Variants in NF1 observed in about 807,000 individuals in gnomAD.
NF1 encodes the protein neurofibromin 1, also known as neurofibromin.
A neutral mutation model predicts 325.7 loss-of-function variants in NF1; 122 were observed. The observed-to-expected ratio is 0.37, with a 90% CI of 0.32 to 0.44. The LOEUF (loss-of-function observed/expected upper bound fraction) is 0.44. Among genes scored for constraint, NF1 ranks in the 20% least tolerant of loss-of-function variants. The pLI is 1.00. For missense variants in NF1, 2,140 were observed against 3,415.4 expected (o/e 0.63, Z 9.31); for synonymous variants, 1,091 against 1,186.0 (o/e 0.92, Z 1.65).
intron 56 of NF1, chr17:31,360,257 A>C (rs1479506916): frequency 3.6e-6 from 2 of 550,408 alleles, no homozygotes; most frequent in Non-Finnish European, 6.5e-6. Context: ...TGTCTTGTGC[A>C]TGGCTTTCAG....
At chr17:31,354,773 AG>A (rs1197333966) in intron 51 of NF1, among the ~76,000 whole-genome samples, 4 of 152,212 alleles carry the variant, frequency 2.6e-5, no homozygotes, top group Admixed American at 2.6e-4. Context: ...AGGCCAAGGC[AG>A]GAGGATTGTT....
intron 47 of NF1, among the ~76,000 whole-genome samples, chr17:31,341,387 G>A (rs2069816994): frequency 6.6e-6 from 1 of 151,988 alleles, no homozygotes; most frequent in Non-Finnish European, 1.5e-5. Flanking sequence ...AGCTAGGCAT[G>A]GTGGCATGCA....
intron 14 of NF1, among the ~76,000 whole-genome samples, chr17:31,220,812 T>G (rs2066908607): frequency 6.6e-6 from 1 of 152,122 alleles, no homozygotes; most frequent in Non-Finnish European, 1.5e-5. Flanking sequence ...ATATAGAGAA[T>G]TTGTCACTTA....
At chr17:31,134,854 T>G (rs1915646638) in intron 1 of NF1, among the ~76,000 whole-genome samples, 1 of 152,120 alleles carries the variant, frequency 6.6e-6, no homozygotes, top group Non-Finnish European at 1.5e-5. Flanking sequence ...TCATGATCCT[T>G]AGAAGTTACA....
At chr17:31,154,772 G>T (rs920272767) in intron 1 of NF1, among the ~76,000 whole-genome samples, 2 of 119,028 alleles carry the variant, frequency 1.7e-5, no homozygotes, top group African/African-American at 6.7e-5. Context: ...ATGGAGTCTC[G>T]CCCGATCGCC....
intron 1 of NF1, among the ~76,000 whole-genome samples, chr17:31,125,200 C>T (rs1009662853): frequency 6.6e-6 from 1 of 151,942 alleles, no homozygotes; most frequent in African/African-American, 2.4e-5. Context: ...TGGAATAATA[C>T]TGTAAGTATT....
At chr17:31,113,977 C>T (rs1333344764) in intron 1 of NF1, among the ~76,000 whole-genome samples, 1 of 152,168 alleles carries the variant, frequency 6.6e-6, no homozygotes, top group Non-Finnish European at 1.5e-5. Flanking sequence ...TATTTCTAGG[C>T]TGTGTTAATT....
rs547905840 is a variant in NF1, at chr17:31,226,530, C to T, written c.2097C>T (p.Asp699=). ...VALYMFLWNP[D]TEAVLVAMSC... ...TGTACATGTTTCTGTGGAACCCTGA[C>T]ACTGAAGCTGTTCTGGTTGCCATGT... The change falls in exon 18 of 58, where the codon GAC becomes GAT. Residue 699 remains aspartate, a synonymous_variant. Coordinates refer to ENST00000358273, the MANE Select transcript of NF1 (RefSeq NM_001042492.3). The T allele has an allele frequency of 1.9e-6, 3 of 1,613,888 alleles. No homozygotes were observed. In the African/African-American group the frequency reaches 4.0e-5, roughly 22 times the overall value.
At chr17:31,243,184 CTGTGTGTGTG>C (rs377472053) in intron 29 of NF1, among the ~76,000 whole-genome samples, 5 of 137,476 alleles carry the variant, frequency 3.6e-5, no homozygotes, top group Non-Finnish European at 6.1e-5. Context: ...CTCTCTCTGT[CTGTGTGTGTG>C]TGTGTGTGTG....
Position 31,096,840 on chromosome 17 carries a change from TCTAAA to T in NF1, c.60+1480_60+1484del, listed in dbSNP as rs912351744. On this transcript the variant is annotated intron_variant, in intron 1 of 57. Coordinates refer to ENST00000358273, the MANE Select transcript of NF1 (RefSeq NM_001042492.3). Reference sequence around the variant, plus strand: ...TCGTATGCTTCCAGACCCAAAGGCATCTAAACTAAACTACTAATCCATCTGAAGTA... The same window carrying T: ...TCGTATGCTTCCAGACCCAAAGGCATCTAAACTACTAATCCATCTGAAGTA... Among the ~76,000 whole-genome samples the T allele has an allele frequency of 2.4e-4, 36 of 152,334 alleles. No individual in the cohort carries two copies. In the East Asian group the frequency reaches 6.7e-3, roughly 29 times the overall value.
At chr17:31,230,447 AAG>A in intron 23 of NF1, 65 bp downstream of exon 23, 1 of 1,582,996 alleles carries the variant, frequency 6.3e-7, no homozygotes. Context: ...AGTACAGAAA[AAG>A]AGTAGATATG....
At position 31,338,823 on chromosome 17, in the gene NF1, A is replaced by C. The variant is rs1210179670; in HGVS notation, c.6921+18A>C. On this transcript the variant is annotated intron_variant, in intron 46 of 57. Transcript: ENST00000358273. Reference sequence around the variant, plus strand: ...TTAATAAGGTAATTACTGTATAGAAAATGAGTGCATTCATTTTGGGTATCA... The same window carrying C: ...TTAATAAGGTAATTACTGTATAGAACATGAGTGCATTCATTTTGGGTATCA... 6.8e-7 allele frequency: 1 copy of C among 1,477,792 alleles called. No individual in the cohort carries two copies. Among genetic ancestry groups the C allele is most frequent in the South Asian group, 1.1e-5 (1 of 88,280 alleles). 91.5% of individuals were successfully genotyped at this position (1,477,792 alleles called of 1,614,324 possible).
intron 8 of NF1, among the ~76,000 whole-genome samples, chr17:31,192,973 C>G (rs2066372677): frequency 6.6e-6 from 1 of 152,178 alleles, no homozygotes; most frequent in Admixed American, 6.5e-5. Flanking sequence ...TCCATAAATT[C>G]TGATTTAATT....
chr17:31,234,737 T>C (rs1240013030), intron 27 of NF1, among the ~76,000 whole-genome samples: 1 of 151,302 alleles, frequency 6.6e-6, no homozygotes, highest in East Asian at 1.9e-4. Flanking sequence ...TTGAGTTTTA[T>C]ATTAAATGAC....
intron 27 of NF1, among the ~76,000 whole-genome samples, chr17:31,234,532 T>C (rs895661445): frequency 2.0e-5 from 3 of 151,392 alleles, no homozygotes; most frequent in African/African-American, 4.8e-5. Flanking sequence ...AAAAATCAGC[T>C]GGGCGTGGTG....
rs1189843809 is a variant in NF1 at position 31,225,238 on chromosome 17, G to GAACT, written c.1990_1993dup (p.Ser665Ter). On this transcript the variant is annotated frameshift_variant, in exon 17 of 58. Coordinates refer to ENST00000358273, the MANE Select transcript of NF1 (RefSeq NM_001042492.3). LOFTEE classifies it high-confidence loss of function. ...GAGCCTCTCTCCGGAAGGGAAAAGG[G>GAACT]AACTCCTCTATGGTCAGCTTCTTCT... 1 of 1,613,624 alleles carries GAACT rather than the reference G, an allele frequency of 6.2e-7. No individual in the cohort carries two copies. The highest frequency in any genetic ancestry group is 8.5e-7 in the Non-Finnish European group (1 of 1,179,652).
intron 36 of NF1, among the ~76,000 whole-genome samples, chr17:31,323,478 G>T (rs774699090): frequency 6.6e-6 from 1 of 152,084 alleles, no homozygotes; most frequent in Non-Finnish European, 1.5e-5. Flanking sequence ...CCAGGAAACT[G>T]CATTTTTATC....
intron 36 of NF1, among the ~76,000 whole-genome samples, chr17:31,319,280 T>A (rs1313515956): frequency 1.3e-5 from 2 of 152,114 alleles, no homozygotes; most frequent in Non-Finnish European, 2.9e-5. Context: ...TTAAGTGGAC[T>A]ATCATGGCTT....
At chr17:31,138,344 A>G (rs771784571) in intron 1 of NF1, 2 of 151,834 alleles carry the variant, frequency 1.3e-5, no homozygotes, top group Non-Finnish European at 2.9e-5. Flanking sequence ...GCACTCTGCA[A>G]CCTCCACCTC....
Sources: gnomAD v4.1 joint callset for allele counts (sites outside exome capture counted in the v4.1 genomes callset) on GRCh38, gnomAD v4.1.1 for gene constraint, MANE v1.5 for transcripts, NCBI Gene and HGNC (gene_info 2026-07-23, HGNC 2026-07-21) for gene names.